Variants in PEAK1 observed in about 807,000 individuals in gnomAD.
PEAK1 encodes the protein pseudopodium enriched atypical kinase 1.
PEAK1 carries 54 observed loss-of-function variants against 124.7 expected under a neutral mutation model. The observed-to-expected ratio is 0.43, with a 90% CI of 0.35 to 0.54. The LOEUF is 0.54. PEAK1 is among the 20% of genes least tolerant of loss of function. The pLI is 0.01. For synonymous variants in PEAK1, 719 were observed against 760.0 expected (o/e 0.95, Z 0.89); for missense variants, 2,046 against 2,134.5 (o/e 0.96, Z 0.82).
At chr15:77,383,090 C>T (rs1370573176) in intron 1 of PEAK1, among the ~76,000 whole-genome samples, 1 of 145,680 alleles carries the variant, frequency 6.9e-6, no homozygotes, top group South Asian at 2.1e-4. Context: ...GTGGTATGAG[C>T]TCAACTCACT....
intron 7 of PEAK1, among the ~76,000 whole-genome samples, chr15:77,174,248 A>T (rs559832531): frequency 6.6e-6 from 1 of 152,352 alleles, no homozygotes; most frequent in Admixed American, 6.5e-5. Context: ...CATCTTTCAG[A>T]GCCTGGGGTC....
At chr15:77,174,722 GACTTT>G (rs1269651080) in intron 7 of PEAK1, among the ~76,000 whole-genome samples, 2 of 152,090 alleles carry the variant, frequency 1.3e-5, no homozygotes, top group African/African-American at 4.8e-5. Flanking sequence ...AGCTACCAAT[GACTTT>G]CTTCACAGAA....
intron 1 of PEAK1, chr15:77,404,789 A>T: frequency 1.0e-6 from 1 of 971,982 alleles, no homozygotes; most frequent in Non-Finnish European, 1.2e-6. Flanking sequence ...TCAGATTATT[A>T]AAGGTACTGC....
intron 2 of PEAK1, among the ~76,000 whole-genome samples, chr15:77,357,957 T>C (rs931870649): frequency 4.6e-5 from 7 of 152,122 alleles, no homozygotes; most frequent in South Asian, 2.1e-4. Context: ...TTTTCCCACA[T>C]AGCCAAGCCA....
intron 5 of PEAK1, among the ~76,000 whole-genome samples, chr15:77,262,177 G>A (rs1408602179): frequency 4.6e-5 from 7 of 152,032 alleles, no homozygotes; most frequent in African/African-American, 1.5e-4. Flanking sequence ...AAAGACCATC[G>A]ATGCTAGGAA....
chr15:77,175,645 A>G (rs927389966), intron 7 of PEAK1, among the ~76,000 whole-genome samples: 2 of 152,180 alleles, frequency 1.3e-5, no homozygotes, highest in Non-Finnish European at 2.9e-5. Flanking sequence ...ACACTTTTAC[A>G]CTGTTGGTGG....
intron 6 of PEAK1, among the ~76,000 whole-genome samples, chr15:77,192,385 G>A (rs1294291885): frequency 1.3e-5 from 2 of 152,222 alleles, no homozygotes; most frequent in Admixed American, 6.5e-5. Flanking sequence ...ATGTGCATGA[G>A]CACATGACAA....
At chr15:77,168,894 C>T (rs770684419) in intron 7 of PEAK1, among the ~76,000 whole-genome samples, 3 of 152,144 alleles carry the variant, frequency 2.0e-5, no homozygotes, top group Admixed American at 6.5e-5. Flanking sequence ...CGACTTACAT[C>T]GTATCCCAGA....
Position 77,115,203 on chromosome 15 carries a change from G to A in PEAK1, c.4194C>T (p.Val1398=), listed in dbSNP as rs2051254155. The change falls in exon 10 of 10, where the codon GTC becomes GTT. Residue 1398 remains valine (V), a synonymous_variant. Transcript: ENST00000682557. ...QQDCGHFLAE[V]PNRLLPWEDP... is the part of the protein sequence containing the mutation. ...CCTCCCAGGGAAGCAGACGGTTAGG[G>A]ACTTCAGCAAGGAAATGACCACAGT... 9 of 1,614,172 alleles carry A rather than the reference G, an allele frequency of 5.6e-6. No homozygotes were observed. Among genetic ancestry groups the A allele is most frequent in the Non-Finnish European group, 7.6e-6 (9 of 1,180,034 alleles).
At chr15:77,316,227 A>G (rs1336772640) in intron 2 of PEAK1, among the ~76,000 whole-genome samples, 2 of 152,136 alleles carry the variant, frequency 1.3e-5, no homozygotes, top group Admixed American at 1.3e-4. Context: ...TAGTTTTTCT[A>G]TTTTAGTCAA....
chr15:77,305,033 G>C (rs2064006674), intron 2 of PEAK1, among the ~76,000 whole-genome samples: 1 of 151,708 alleles, frequency 6.6e-6, no homozygotes, highest in Non-Finnish European at 1.5e-5. Flanking sequence ...TGTAGTCCCA[G>C]CTCCTTGGGA....
chr15:77,173,447 C>A (rs2056647440), intron 7 of PEAK1, among the ~76,000 whole-genome samples: 1 of 152,042 alleles, frequency 6.6e-6, no homozygotes, highest in Admixed American at 6.6e-5. Flanking sequence ...ACCTATTTAT[C>A]TTTTTTTGTG....
At chr15:77,346,050 T>C in intron 2 of PEAK1, 1 of 985,440 alleles carries the variant, frequency 1.0e-6, no homozygotes, top group South Asian at 4.7e-5. Context: ...CAAAAATGCC[T>C]GTCCCTTTCC....
chr15:77,226,324 T>C (rs1446856948), intron 6 of PEAK1, among the ~76,000 whole-genome samples: 2 of 151,080 alleles, frequency 1.3e-5, no homozygotes, highest in Non-Finnish European at 3.0e-5. Context: ...ACTGACAACA[T>C]AAACATATAA....
intron 1 of PEAK1, among the ~76,000 whole-genome samples, chr15:77,383,862 A>C (rs1473309047): frequency 6.6e-6 from 1 of 152,192 alleles, no homozygotes; most frequent in African/African-American, 2.4e-5. Flanking sequence ...AATGTTTTCT[A>C]AGCTACCTGG....
chr15:77,145,346 G>T (rs1176314327), intron 8 of PEAK1, among the ~76,000 whole-genome samples: 12 of 152,136 alleles, frequency 7.9e-5, no homozygotes, highest in Non-Finnish European at 1.5e-5. Context: ...ATATTCGGGA[G>T]GTTGAGGCAT....
intron 2 of PEAK1, among the ~76,000 whole-genome samples, chr15:77,364,082 C>A (rs990475534): frequency 1.3e-5 from 2 of 152,012 alleles, no homozygotes; most frequent in Non-Finnish European, 2.9e-5. Flanking sequence ...ACCTGTAATC[C>A]CAGCTACTGG....
intron 1 of PEAK1, among the ~76,000 whole-genome samples, chr15:77,413,736 A>C (rs1389533339): frequency 6.6e-6 from 1 of 152,240 alleles, no homozygotes; most frequent in Non-Finnish European, 1.5e-5. Context: ...CATCGTACCA[A>C]TACTAATTTC....
intron 5 of PEAK1, among the ~76,000 whole-genome samples, chr15:77,272,227 C>A (rs2062074640): frequency 6.6e-6 from 1 of 151,942 alleles, no homozygotes; most frequent in Admixed American, 6.6e-5. Flanking sequence ...CAAACCAAAC[C>A]CAAGCCCAAC....
Sources: gnomAD v4.1 joint callset for allele counts (sites outside exome capture counted in the v4.1 genomes callset) on GRCh38, gnomAD v4.1.1 for gene constraint, MANE v1.5 for transcripts, NCBI Gene and HGNC (gene_info 2026-07-23, HGNC 2026-07-21) for gene names.